NFIB: variants seen among roughly 807,000 people sequenced by gnomAD.
NFIB encodes nuclear factor 1 B-type.
NFIB carries 11 observed loss-of-function variants against 61.5 expected under a neutral mutation model. The ratio of observed to expected loss-of-function variants is 0.18; its 90% confidence interval spans 0.11 to 0.30. The LOEUF is 0.30. Among genes scored for constraint, NFIB ranks in the 10% least tolerant of loss-of-function variants. NFIB has a pLI of 1.00. For synonymous variants in NFIB, 260 were observed against 216.5 expected, an observed-to-expected ratio of 1.20 and a Z score of -1.76; for missense variants, 471 against 608.9, an observed-to-expected ratio of 0.77 and a Z score of 2.38.
chr9:14,501,541 T>C, the NFIB span, among the ~76,000 whole-genome samples: 27 of 152,258 alleles, frequency 1.8e-4, no homozygotes, highest in South Asian at 8.3e-4. Context: ...ACAGGTTAAT[T>C]GTGAACATTA....
chr9:14,528,161 A>G, the NFIB span, among the ~76,000 whole-genome samples: 2 of 152,226 alleles, frequency 1.3e-5, no homozygotes. Context: ...CTGTGAAAAC[A>G]ATCTTTTCAA....
At chr9:14,435,219 T>C in the NFIB span, among the ~76,000 whole-genome samples, 4 of 152,226 alleles carry the variant, frequency 2.6e-5, no homozygotes, top group Non-Finnish European at 5.9e-5. Context: ...AAAGTTCACC[T>C]GTGGCAAGAG....
intron 2 of NFIB, among the ~76,000 whole-genome samples, chr9:14,191,050 G>T (rs1057187151): frequency 6.6e-6 from 1 of 152,040 alleles, no homozygotes; most frequent in Non-Finnish European, 1.5e-5. Flanking sequence ...ATAATTAGCT[G>T]GGCGTAGTGG....
chr9:14,366,298 T>C (rs1333108683), intron 1 of NFIB, among the ~76,000 whole-genome samples: 3 of 152,050 alleles, frequency 2.0e-5, no homozygotes, highest in Non-Finnish European at 1.5e-5. Context: ...TGTGAAAAAT[T>C]ACTTTCCAAA....
chr9:14,166,701 C>A (rs2044829453), intron 3 of NFIB, among the ~76,000 whole-genome samples: 1 of 152,156 alleles, frequency 6.6e-6, no homozygotes, highest in Non-Finnish European at 1.5e-5. Context: ...ATTTTCTATT[C>A]TCTCATCATC....
At chr9:14,514,892 C>T in the NFIB span, among the ~76,000 whole-genome samples, 1 of 152,076 alleles carries the variant, frequency 6.6e-6, no homozygotes, top group Non-Finnish European at 1.5e-5. Flanking sequence ...AAATGACCTC[C>T]AGATGACTCT....
the NFIB span, among the ~76,000 whole-genome samples, chr9:14,486,984 G>A: frequency 2.6e-5 from 4 of 152,154 alleles, no homozygotes; most frequent in African/African-American, 9.7e-5. Flanking sequence ...AAAACATGGT[G>A]TATTTTAATT....
chr9:14,190,305 A>G (rs1563883023), intron 2 of NFIB, among the ~76,000 whole-genome samples: 1 of 152,212 alleles, frequency 6.6e-6, no homozygotes, highest in Non-Finnish European at 1.5e-5. Context: ...ATGCATAGCA[A>G]TTAACTGGAT....
chr9:14,461,162 T>C, the NFIB span, among the ~76,000 whole-genome samples: 1 of 152,202 alleles, frequency 6.6e-6, no homozygotes, highest in Non-Finnish European at 1.5e-5. Context: ...AATTGGTAAC[T>C]GATGCTTCAT....
At chr9:14,395,307 CAA>C (rs756342314) in intron 1 of NFIB, among the ~76,000 whole-genome samples, 11 of 86,172 alleles carry the variant, frequency 1.3e-4, no homozygotes, top group African/African-American at 2.1e-4. Flanking sequence ...TCGGGACAGC[CAA>C]AAAAAAAAAA....
intron 1 of NFIB, among the ~76,000 whole-genome samples, chr9:14,378,597 C>A (rs2061447461): frequency 6.6e-6 from 1 of 152,210 alleles, no homozygotes. Context: ...CCTTGCAATC[C>A]ACCCGCATGG....
chr9:14,508,640 C>T, the NFIB span, among the ~76,000 whole-genome samples: 1 of 152,212 alleles, frequency 6.6e-6, no homozygotes, highest in Non-Finnish European at 1.5e-5. Flanking sequence ...AACACTCAAG[C>T]TTGGAAGCAA....
intron 3 of NFIB, among the ~76,000 whole-genome samples, chr9:14,177,811 C>T (rs574321065): frequency 1.3e-5 from 2 of 152,110 alleles, no homozygotes; most frequent in South Asian, 4.2e-4. Context: ...TTTTTGTTTG[C>T]CATGTTATAT....
intron 1 of NFIB, among the ~76,000 whole-genome samples, chr9:14,365,886 CT>C (rs1364165291): frequency 6.6e-6 from 1 of 152,172 alleles, no homozygotes; most frequent in Non-Finnish European, 1.5e-5. Context: ...AACTGTACAT[CT>C]TTTCTACCCA....
At chr9:14,276,388 A>G (rs1472078358) in intron 2 of NFIB, among the ~76,000 whole-genome samples, 1 of 152,212 alleles carries the variant, frequency 6.6e-6, no homozygotes, top group African/African-American at 2.4e-5. Flanking sequence ...TATGAGGTAT[A>G]ACTTAAACAG....
At chr9:14,102,596 G>A (rs1430462698) in intron 10 of NFIB, 1 of 843,426 alleles carries the variant, frequency 1.2e-6, no homozygotes, top group Non-Finnish European at 1.7e-6. Context: ...AACTAGTACT[G>A]TACATGGCAT....
chr9:14,515,504 G>A, the NFIB span, among the ~76,000 whole-genome samples: 1 of 152,156 alleles, frequency 6.6e-6, no homozygotes, highest in African/African-American at 2.4e-5. Flanking sequence ...CTAGCCAGGT[G>A]TTTCTCTAGT....
At chr9:14,226,600 A>G (rs959343686) in intron 2 of NFIB, among the ~76,000 whole-genome samples, 9 of 152,104 alleles carry the variant, frequency 5.9e-5, no homozygotes, top group Non-Finnish European at 1.5e-5. Flanking sequence ...CTTAAAAAAT[A>G]CTTCTTATGA....
the NFIB span, among the ~76,000 whole-genome samples, chr9:14,449,614 A>C: frequency 0.11 from 16,624 of 152,190 alleles, 959 homozygotes; most frequent in Middle Eastern, 0.15. Context: ...CTGGGGCTGA[A>C]AAACAAAAGT....
Sources: allele counts gnomAD v4.1 joint callset (sites outside exome capture counted in the v4.1 genomes callset), GRCh38; gene constraint gnomAD v4.1.1; transcripts MANE v1.5; gene names NCBI Gene and HGNC (gene_info 2026-07-23, HGNC 2026-07-21).